NAALADL2: variants seen among roughly 807,000 people sequenced by gnomAD.
NAALADL2 encodes the protein N-acetylated alpha-linked acidic dipeptidase like 2, also known as inactive N-acetylated-alpha-linked acidic dipeptidase-like protein 2.
In NAALADL2, 76 loss-of-function variants were observed where a neutral mutation model predicts 87.2. The ratio of observed to expected loss-of-function variants is 0.87; its 90% confidence interval spans 0.72 to 1.05. The LOEUF is 1.05. NAALADL2 is among the 50% of genes least tolerant of loss of function. NAALADL2 has a pLI of 0.00. For synonymous variants in NAALADL2, 354 were observed against 331.0 expected (o/e 1.07, Z -0.75); for missense variants, 1,089 against 945.8 (o/e 1.15, Z -1.99).
At chr3:174,819,367 T>C (rs9810493) in intron 3 of NAALADL2, among the ~76,000 whole-genome samples, 1 of 143,266 alleles carries the variant, frequency 7.0e-6, no homozygotes, top group South Asian at 2.3e-4. Flanking sequence ...GCGTGGCTAA[T>C]ATATTTATTC....
chr3:175,107,836 AAT>A (rs1408262306), intron 2 of NAALADL2, among the ~76,000 whole-genome samples: 2 of 151,862 alleles, frequency 1.3e-5, no homozygotes, highest in African/African-American at 4.8e-5. Flanking sequence ...AAATACTTCA[AAT>A]ATATTACTAA....
chr3:174,949,449 A>G (rs1421458101), intron 1 of NAALADL2, among the ~76,000 whole-genome samples: 1 of 152,170 alleles, frequency 6.6e-6, no homozygotes, highest in Non-Finnish European at 1.5e-5. Flanking sequence ...AAAGTCACAC[A>G]GTGTAATGGG....
intron 3 of NAALADL2, among the ~76,000 whole-genome samples, chr3:174,799,939 A>G (rs144129210): frequency 5.3e-5 from 8 of 152,270 alleles, no homozygotes; most frequent in Non-Finnish European, 1.0e-4. Flanking sequence ...GACTAGTGGC[A>G]TTTTGCCCCT....
intron 9 of NAALADL2, among the ~76,000 whole-genome samples, chr3:175,483,325 G>C: frequency 7.0e-6 from 1 of 142,216 alleles, no homozygotes; most frequent in East Asian, 2.0e-4. Flanking sequence ...TTACTTTTTG[G>C]CTTTTTTTTT....
intron 10 of NAALADL2, among the ~76,000 whole-genome samples, chr3:175,618,942 T>A (rs1725759126): frequency 6.6e-6 from 1 of 152,204 alleles, no homozygotes; most frequent in Non-Finnish European, 1.5e-5. Flanking sequence ...GGGATAGTCA[T>A]GCTCACCTGG....
chr3:174,608,027 C>T (rs909248663), intron 2 of NAALADL2, among the ~76,000 whole-genome samples: 5 of 152,176 alleles, frequency 3.3e-5, no homozygotes, highest in Non-Finnish European at 7.3e-5. Context: ...CAAAACTGCT[C>T]AACTACATGG....
chr3:175,279,690 A>T (rs1335502247), intron 4 of NAALADL2, among the ~76,000 whole-genome samples: 1 of 151,942 alleles, frequency 6.6e-6, no homozygotes, highest in African/African-American at 2.4e-5. Context: ...AGGAAGAATG[A>T]TCTAGAGTGA....
chr3:174,536,130 AT>A (rs1323197968), intron 1 of NAALADL2, among the ~76,000 whole-genome samples: 1 of 152,118 alleles, frequency 6.6e-6, no homozygotes, highest in Admixed American at 6.6e-5. Flanking sequence ...AGTTTCTAGT[AT>A]GTATGTCTTG....
chr3:175,223,195 C>G (rs190803128), intron 2 of NAALADL2, among the ~76,000 whole-genome samples: 1 of 151,494 alleles, frequency 6.6e-6, no homozygotes, highest in Non-Finnish European at 1.5e-5. Flanking sequence ...ACCATAGTCA[C>G]GAATTTGTAC....
At chr3:175,369,550 A>G (rs1030768555) in intron 5 of NAALADL2, 5 of 152,372 alleles carry the variant, frequency 3.3e-5, no homozygotes, top group African/African-American at 1.2e-4. Context: ...CATGCTACGT[A>G]TGTATACACC....
intron 11 of NAALADL2, among the ~76,000 whole-genome samples, chr3:175,665,932 C>A (rs566914725): frequency 4.6e-4 from 70 of 151,510 alleles, no homozygotes; most frequent in African/African-American, 1.5e-3. Context: ...TCTGTCCCCC[C>A]CCCAAAAAAA....
chr3:175,610,453 A>C (rs905866006), intron 10 of NAALADL2, among the ~76,000 whole-genome samples: 6 of 152,140 alleles, frequency 3.9e-5, no homozygotes, highest in South Asian at 2.1e-4. Flanking sequence ...AAAATATTTA[A>C]GAATTTTTCT....
intron 1 of NAALADL2, among the ~76,000 whole-genome samples, chr3:174,499,992 G>T (rs1718787613): frequency 6.6e-6 from 1 of 151,616 alleles, no homozygotes; most frequent in Non-Finnish European, 1.5e-5. Context: ...AGGATATGTT[G>T]AATATATACA....
At chr3:175,169,824 G>A (rs1560114527) in intron 2 of NAALADL2, among the ~76,000 whole-genome samples, 1 of 151,742 alleles carries the variant, frequency 6.6e-6, no homozygotes, top group Non-Finnish European at 1.5e-5. Flanking sequence ...TAGATACCTG[G>A]AGACACATAT....
chr3:175,179,367 T>C (rs1736135768), intron 2 of NAALADL2, among the ~76,000 whole-genome samples: 1 of 151,928 alleles, frequency 6.6e-6, no homozygotes, highest in Non-Finnish European at 1.5e-5. Flanking sequence ...CTGACCTTTG[T>C]TAGAGACAGG....
At chr3:174,645,490 A>G (rs915842362) in intron 2 of NAALADL2, among the ~76,000 whole-genome samples, 2 of 152,230 alleles carry the variant, frequency 1.3e-5, no homozygotes, top group African/African-American at 4.8e-5. Context: ...TGTGAAAAAT[A>G]GAGTTGGAGG....
intron 3 of NAALADL2, among the ~76,000 whole-genome samples, chr3:174,762,169 T>G (rs1210376214): frequency 6.6e-6 from 1 of 150,840 alleles, no homozygotes; most frequent in African/African-American, 2.4e-5. Flanking sequence ...TCTTGCTTTT[T>G]TTTCTTTTGA....
intron 1 of NAALADL2, among the ~76,000 whole-genome samples, chr3:175,062,672 A>AT (rs1559976763): frequency 6.6e-6 from 1 of 152,084 alleles, no homozygotes; most frequent in African/African-American, 2.4e-5. Context: ...AACGGGGCTA[A>AT]TTTTTTCATT....
intron 13 of NAALADL2, among the ~76,000 whole-genome samples, chr3:175,778,919 G>A (rs1036577798): frequency 6.6e-6 from 1 of 152,062 alleles, no homozygotes; most frequent in Admixed American, 6.6e-5. Flanking sequence ...AAGCATATGA[G>A]TTTTATTTAG....
Sources: gnomAD v4.1 joint callset for allele counts (sites outside exome capture counted in the v4.1 genomes callset) on GRCh38, gnomAD v4.1.1 for gene constraint, MANE v1.5 for transcripts, NCBI Gene and HGNC (gene_info 2026-07-23, HGNC 2026-07-21) for gene names.